The following TRIML2 variants were observed in gnomAD, a reference collection of about 807,000 sequenced individuals.
TRIML2 encodes the protein probable E3 ubiquitin-protein ligase TRIML2.
TRIML2 carries 28 observed loss-of-function variants against 31.2 expected under a neutral mutation model. The observed-to-expected ratio is 0.90, with a 90% CI of 0.66 to 1.23. TRIML2 has a LOEUF of 1.23. TRIML2 is among the 50% of genes most tolerant of loss of function. TRIML2 has a pLI of 0.00. For missense variants in TRIML2, 536 were observed against 528.3 expected (o/e 1.01, Z -0.14); for synonymous variants, 187 against 197.5 (o/e 0.95, Z 0.45).
At chr4:188,093,814 T>C (rs1010240776) in intron 7 of TRIML2, among the ~76,000 whole-genome samples, 11 of 151,500 alleles carry the variant, frequency 7.3e-5, no homozygotes, top group Non-Finnish European at 1.2e-4. Context: ...TAAAAAAAAC[T>C]ATAGCTAGGG....
chr4:188,106,354 A>G (rs1215937683), intron 1 of TRIML2, among the ~76,000 whole-genome samples: 1 of 152,192 alleles, frequency 6.6e-6, no homozygotes, highest in Non-Finnish European at 1.5e-5. Context: ...CCCGGCCGAA[A>G]ACGGCTCTTC....
chr4:188,105,276 A>G lies in TRIML2; in HGVS notation c.93T>C (p.Asp31=), dbSNP rs763871243. 1 of 1,612,622 alleles carries G rather than the reference A, an allele frequency of 6.2e-7. No individual in the cohort carries two copies. Among genetic ancestry groups the G allele is most frequent in the Non-Finnish European group, 8.5e-7 (1 of 1,178,822 alleles). ...THLEPTRLFC[D]VDQITLCSKC... is the part of the protein sequence containing the mutation. Reference sequence around the variant, plus strand: ...TGCTGCAGAGTGTGATTTGGTCAACATCACAGAACAGCCGTGTTGGTTCCA... The same window carrying G: ...TGCTGCAGAGTGTGATTTGGTCAACGTCACAGAACAGCCGTGTTGGTTCCA... The change falls in exon 2 of 8, where the codon GAT becomes GAC. Residue 31 remains aspartate (D), a synonymous_variant. Transcript: ENST00000682553.
chr4:188,091,466 C>T lies in TRIML2; in HGVS notation c.1221G>A (p.Val407=), dbSNP rs1225853418. 1 of 1,614,146 alleles carries T rather than the reference C, an allele frequency of 6.2e-7. No individual in the cohort carries two copies. Among genetic ancestry groups the T allele is most frequent in the Admixed American group, 1.7e-5 (1 of 59,996 alleles). Residue 407 remains valine (V), a synonymous_variant, in exon 8 of 8, where the codon GTG becomes GTA. Coordinates refer to ENST00000682553, the MANE Select transcript of TRIML2 (RefSeq NM_173553.4). ...HCAFQGALRP[V]FSLCIPNGDT... is the part of the protein sequence containing the mutation. ...CTCCATTTGGGATACAGAGGGAAAA[C>T]ACAGGCCTGAGAGCTCCTTGGAAGG...
At chr4:188,104,721 A>T (rs889014044) in intron 3 of TRIML2, 116 bp downstream of exon 3, 4 of 882,988 alleles carry the variant, frequency 4.5e-6, no homozygotes, top group African/African-American at 3.3e-5. Context: ...TCCTTCCTAT[A>T]GATTTCACAT....
Position 188,097,849 on chromosome 4 carries a change from C to T in TRIML2, c.622-503G>A, listed in dbSNP as rs531995213. Among the ~76,000 whole-genome samples the T allele has an allele frequency of 1.4e-4, 22 of 152,228 alleles. No individual in the cohort carries two copies. The East Asian group carries it at 3.1e-3, about 21-fold the overall frequency. ...CTTAAAAAGATAGTAAGGCCAGGCG[C>T]GGTGGCTCATGCCTGTAATCCCAGC... On this transcript the variant is annotated intron_variant, in intron 5 of 7. Transcript: ENST00000682553.
chr4:188,103,290 A>AAG (rs1733886344), intron 3 of TRIML2, among the ~76,000 whole-genome samples: 8 of 151,838 alleles, frequency 5.3e-5, no homozygotes, highest in African/African-American at 1.9e-4. Flanking sequence ...ATGAGCCACC[A>AAG]CGACCAGCCT....
At chr4:188,099,694 T>C (rs1490132102) in intron 4 of TRIML2, among the ~76,000 whole-genome samples, 1 of 152,198 alleles carries the variant, frequency 6.6e-6, no homozygotes, top group Non-Finnish European at 1.5e-5. Context: ...CAAGAGACAG[T>C]TGATTCTTTG....
intron 1 of TRIML2, among the ~76,000 whole-genome samples, chr4:188,107,389 C>T (rs1734084404): frequency 6.6e-6 from 1 of 152,166 alleles, no homozygotes; most frequent in Non-Finnish European, 1.5e-5. Flanking sequence ...TATTAACGCT[C>T]ATAAACAAAA....
intron 6 of TRIML2, 37 bp from the exon 7 acceptor site, chr4:188,097,198 C>T: frequency 5.6e-6 from 9 of 1,601,786 alleles, no homozygotes; most frequent in Non-Finnish European, 7.7e-6. Context: ...TCTGCACAGA[C>T]CACAGGCCCC....
chr4:188,101,899 G>A (rs547143862), intron 3 of TRIML2, among the ~76,000 whole-genome samples: 4 of 151,642 alleles, frequency 2.6e-5, no homozygotes, highest in Non-Finnish European at 5.9e-5. Flanking sequence ...GGGAGGCCGA[G>A]GCAGGCGGAT....
At chr4:188,103,174 G>A (rs1195899358) in intron 3 of TRIML2, among the ~76,000 whole-genome samples, 1 of 151,668 alleles carries the variant, frequency 6.6e-6, no homozygotes, top group Non-Finnish European at 1.5e-5. Context: ...CACCACACCC[G>A]ATTTTTTAGT....
chr4:188,102,646 C>T (rs541111229), intron 3 of TRIML2, among the ~76,000 whole-genome samples: 10 of 151,924 alleles, frequency 6.6e-5, no homozygotes, highest in African/African-American at 2.4e-4. Context: ...GTCAGCAGTT[C>T]GAGACCAGCC....
intron 7 of TRIML2, among the ~76,000 whole-genome samples, chr4:188,096,769 A>G (rs1733538099): frequency 6.6e-6 from 1 of 151,476 alleles, no homozygotes; most frequent in Admixed American, 6.6e-5. Context: ...CAATTCTCCC[A>G]CCTCAGCCAC....
At chr4:188,098,278 C>G (rs1169649200) in intron 5 of TRIML2, 1 of 454,764 alleles carries the variant, frequency 2.2e-6, no homozygotes, top group South Asian at 1.6e-5. Flanking sequence ...AAGATCAAGG[C>G]ACTGGCAGAT....
intron 3 of TRIML2, among the ~76,000 whole-genome samples, chr4:188,104,405 C>T (rs780353776): frequency 6.6e-6 from 1 of 151,900 alleles, no homozygotes; most frequent in Non-Finnish European, 1.5e-5. Flanking sequence ...GCTCTGTGGC[C>T]TAGGCTGGAG....
chr4:188,096,004 T>C (rs1016604536), intron 7 of TRIML2, among the ~76,000 whole-genome samples: 1 of 152,214 alleles, frequency 6.6e-6, no homozygotes, highest in African/African-American at 2.4e-5. Context: ...GGACAGGAGA[T>C]ATAAACCCTT....
At chr4:188,099,988 A>C (rs535883197) in intron 4 of TRIML2, among the ~76,000 whole-genome samples, 1 of 152,224 alleles carries the variant, frequency 6.6e-6, no homozygotes, top group African/African-American at 2.4e-5. Flanking sequence ...TTAGGGGGAA[A>C]AAACATAAAC....
rs1239676437 is a variant in TRIML2 at position 188,105,434 on chromosome 4, G to A, written c.-66C>T. 9 of 1,225,148 alleles carry A rather than the reference G, an allele frequency of 7.3e-6. No individual in the cohort carries two copies. The highest frequency in any genetic ancestry group is 9.7e-6 in the Non-Finnish European group (9 of 924,330). The allele number at this position is 1,225,148 out of a possible 1,614,324, so 75.9% of individuals were successfully genotyped here. A position where few individuals can be genotyped will look rare whatever the true frequency, so the allele number is the denominator to read the frequency against. On this transcript the variant is annotated 5_prime_UTR_variant, in exon 2 of 8. Transcript: ENST00000682553. ...CTACTGAGGTATCTCCCTGCACTGT[G>A]AATGAGAAAAAATGGTGGCTTCCTT... is the stretch of plus-strand genomic sequence containing the variant.
chr4:188,102,950 C>T (rs1328146038), intron 3 of TRIML2, among the ~76,000 whole-genome samples: 1 of 151,558 alleles, frequency 6.6e-6, no homozygotes, highest in African/African-American at 2.4e-5. Context: ...ATCATCTCTC[C>T]CTAATTATTG....
Sources: gnomAD v4.1 joint callset for allele counts (sites outside exome capture counted in the v4.1 genomes callset) on GRCh38, gnomAD v4.1.1 for gene constraint, MANE v1.5 for transcripts, NCBI Gene and HGNC (gene_info 2026-07-23, HGNC 2026-07-21) for gene names.